The following KCNQ5 variants were observed in gnomAD, a reference collection of about 807,000 sequenced individuals.
KCNQ5 encodes the protein potassium voltage-gated channel subfamily Q member 5.
KCNQ5 carries 30 observed loss-of-function variants against 98.2 expected under a neutral mutation model. The ratio of observed to expected loss-of-function variants is 0.31; its 90% CI spans 0.23 to 0.41. The LOEUF (loss-of-function observed/expected upper bound fraction) is 0.41. Among genes scored for constraint, KCNQ5 ranks in the 10% least tolerant of loss-of-function variants. KCNQ5 has a pLI of 1.00. For synonymous variants in KCNQ5, 458 were observed against 449.4 expected (o/e 1.02, Z -0.24); for missense variants, 835 against 1,182.5 (o/e 0.71, Z 4.31).
intron 1 of KCNQ5, chr6:72,678,220 T>G (rs186995184): frequency 6.6e-6 from 1 of 152,264 alleles, no homozygotes; most frequent in Admixed American, 6.5e-5. Context: ...AAAAGGACAT[T>G]AAGCAATGCT....
At chr6:72,753,329 C>G (rs1771780902) in intron 1 of KCNQ5, among the ~76,000 whole-genome samples, 1 of 151,842 alleles carries the variant, frequency 6.6e-6, no homozygotes, top group Admixed American at 6.6e-5. Flanking sequence ...ACAGGTATAC[C>G]ATAAAAGGAT....
intron 10 of KCNQ5, among the ~76,000 whole-genome samples, chr6:73,159,246 A>G (rs952364397): frequency 6.6e-6 from 1 of 152,246 alleles, no homozygotes; most frequent in Non-Finnish European, 1.5e-5. Flanking sequence ...TAACACAGGA[A>G]CAAAAAACCA....
At chr6:72,848,638 C>T (rs1450636195) in intron 1 of KCNQ5, among the ~76,000 whole-genome samples, 5 of 152,176 alleles carry the variant, frequency 3.3e-5, no homozygotes, top group Non-Finnish European at 7.3e-5. Flanking sequence ...AAAAACATCA[C>T]TTCAGCCTTC....
chr6:72,833,400 C>A (rs2150125947), intron 1 of KCNQ5, among the ~76,000 whole-genome samples: 1 of 152,284 alleles, frequency 6.6e-6, no homozygotes, highest in South Asian at 2.1e-4. Context: ...TTTCACCAAA[C>A]CAAACTCTTC....
chr6:73,090,990 A>G (rs1774221473), intron 5 of KCNQ5, among the ~76,000 whole-genome samples: 1 of 152,248 alleles, frequency 6.6e-6, no homozygotes, highest in Non-Finnish European at 1.5e-5. Context: ...CCAAAGTATT[A>G]TAAATCATTC....
intron 1 of KCNQ5, among the ~76,000 whole-genome samples, chr6:72,792,228 A>G (rs963218452): frequency 1.4e-4 from 21 of 152,138 alleles, no homozygotes; most frequent in African/African-American, 5.1e-4. Context: ...TCAGTGTCTC[A>G]TAGTCTTTCT....
intron 1 of KCNQ5, among the ~76,000 whole-genome samples, chr6:72,683,670 A>G (rs80292900): frequency 0.064 from 9,666 of 151,608 alleles, 1,057 homozygotes; most frequent in African/African-American, 0.22. Context: ...CCTGGCCCAC[A>G]TATACTTTTT....
chr6:72,786,534 G>A (rs1305811453), intron 1 of KCNQ5, among the ~76,000 whole-genome samples: 1 of 152,110 alleles, frequency 6.6e-6, no homozygotes, highest in African/African-American at 2.4e-5. Context: ...GAAAGGTAGT[G>A]GCTTCTCTAG....
At chr6:73,038,707 C>T (rs1252970643) in intron 2 of KCNQ5, among the ~76,000 whole-genome samples, 3 of 151,780 alleles carry the variant, frequency 2.0e-5, no homozygotes, top group Non-Finnish European at 4.4e-5. Flanking sequence ...GGAATAAATC[C>T]TACTTGCCTA....
chr6:72,761,787 G>A (rs1582240794), intron 1 of KCNQ5, among the ~76,000 whole-genome samples: 1 of 152,042 alleles, frequency 6.6e-6, no homozygotes, highest in African/African-American at 2.4e-5. Context: ...GAAACGTAAT[G>A]CCCTAAAATA....
intron 3 of KCNQ5, among the ~76,000 whole-genome samples, chr6:73,045,140 C>T (rs1189250373): frequency 6.6e-6 from 1 of 152,216 alleles, no homozygotes; most frequent in Non-Finnish European, 1.5e-5. Flanking sequence ...CCCTTCTGAA[C>T]TGCCCACCTT....
At chr6:72,961,002 C>T (rs1008533779) in intron 1 of KCNQ5, among the ~76,000 whole-genome samples, 2 of 152,170 alleles carry the variant, frequency 1.3e-5, no homozygotes, top group African/African-American at 2.4e-5. Context: ...CCAGGGATGG[C>T]GGGCTTGTGC....
intron 1 of KCNQ5, among the ~76,000 whole-genome samples, chr6:72,632,138 C>CTT (rs71540354): frequency 0.014 from 1,767 of 127,640 alleles, 42 homozygotes; most frequent in Middle Eastern, 0.027. Flanking sequence ...TTCTTTCTTT[C>CTT]TTTTTTTTTT....
chr6:73,021,104 T>G (rs1252668394), intron 2 of KCNQ5, among the ~76,000 whole-genome samples: 1 of 152,186 alleles, frequency 6.6e-6, no homozygotes, highest in Non-Finnish European at 1.5e-5. Flanking sequence ...CGCTCTCTTC[T>G]TGAAAGTTTA....
intron 2 of KCNQ5, among the ~76,000 whole-genome samples, chr6:73,039,365 G>A (rs1771586474): frequency 6.6e-6 from 1 of 151,442 alleles, no homozygotes; most frequent in African/African-American, 2.4e-5. Context: ...TGCTTCCTTT[G>A]GGTTTATTTT....
chr6:72,813,744 A>T (rs780939280), intron 1 of KCNQ5, among the ~76,000 whole-genome samples: 10 of 152,184 alleles, frequency 6.6e-5, no homozygotes, highest in Non-Finnish European at 1.5e-4. Context: ...ATATACTTTA[A>T]ATCATCTGTA....
chr6:73,077,537 A>G (rs1034774773), intron 4 of KCNQ5, 40 bp downstream of exon 4: 2 of 1,564,362 alleles, frequency 1.3e-6, no homozygotes, highest in Non-Finnish European at 1.7e-6. Context: ...CAATTTTTGA[A>G]ACTTTTTCAT....
At chr6:72,875,679 T>C (rs1423259035) in intron 1 of KCNQ5, among the ~76,000 whole-genome samples, 3 of 152,150 alleles carry the variant, frequency 2.0e-5, no homozygotes, top group African/African-American at 7.2e-5. Context: ...CCCAAATCTA[T>C]GTCCATTTCA....
intron 1 of KCNQ5, among the ~76,000 whole-genome samples, chr6:72,746,064 C>CAAAAAAAAAAAA (rs59726566): frequency 8.7e-5 from 7 of 80,150 alleles, no homozygotes; most frequent in African/African-American, 2.4e-4. Flanking sequence ...ACTCTATTTG[C>CAAAAAAAAAAAA]AAAAAAAAAA....
Sources: allele counts gnomAD v4.1 joint callset (sites outside exome capture counted in the v4.1 genomes callset), GRCh38; gene constraint gnomAD v4.1.1; transcripts MANE v1.5; gene names NCBI Gene and HGNC (gene_info 2026-07-23, HGNC 2026-07-21).